Variants in TMEM131L observed in about 807,000 individuals in gnomAD.
TMEM131L encodes transmembrane protein 131-like.
Under a neutral mutation model 192.2 loss-of-function variants are expected in TMEM131L, and 54 were observed. That is an observed-to-expected ratio of 0.28 (90% CI 0.23 to 0.35). The LOEUF (loss-of-function observed/expected upper bound fraction) is 0.35. Ranked by LOEUF, TMEM131L falls within the 10% of genes least tolerant of loss-of-function variation. The pLI is 1.00. For synonymous variants in TMEM131L, 701 were observed against 704.9 expected, an observed-to-expected ratio of 0.99 and a Z score of 0.09; for missense variants, 1,888 against 1,972.9, an observed-to-expected ratio of 0.96 and a Z score of 0.82.
chr4:153,492,608 G>A (rs1732866538), intron 3 of TMEM131L, among the ~76,000 whole-genome samples: 1 of 152,166 alleles, frequency 6.6e-6, no homozygotes, highest in Non-Finnish European at 1.5e-5. Flanking sequence ...TGGCATGCCT[G>A]CTAGACAGCC....
At chr4:153,539,029 A>T (rs557639927) in intron 3 of TMEM131L, among the ~76,000 whole-genome samples, 1 of 152,308 alleles carries the variant, frequency 6.6e-6, no homozygotes, top group Non-Finnish European at 1.5e-5. Context: ...GTGAAAGAAG[A>T]CGAGAAGGGG....
chr4:153,555,896 C>T lies in TMEM131L; in HGVS notation c.418C>T (p.Pro140Ser). ...FAAAGHFHVP[P>S]VPCRVIPAMG... ...AGCTGCTGGACATTTCCATGTACCG[C>T]CAGTTCCCTGCAGGGTGGGTGTTGA... The change falls in exon 5 of 35, where the codon CCA becomes TCA. Residue 140 changes from proline (P) to serine (S), a missense_variant. Transcript: ENST00000409959. The surrounding 1 kb of genome is among the most constrained non-coding windows in gnomAD (Gnocchi z 4.1). 5.8e-6 allele frequency: 9 copies of T among 1,551,340 alleles called. No individual in the cohort carries two copies. Among genetic ancestry groups the T allele is most frequent in the Non-Finnish European group, 7.8e-6 (9 of 1,146,816 alleles).
chr4:153,474,371 G>C (rs1731376880), intron 3 of TMEM131L, among the ~76,000 whole-genome samples: 1 of 152,212 alleles, frequency 6.6e-6, no homozygotes. Context: ...CTGAAGCCTG[G>C]AGGAAACAGG....
At chr4:153,571,512 G>A (rs1488057239) in intron 7 of TMEM131L, among the ~76,000 whole-genome samples, 1 of 152,144 alleles carries the variant, frequency 6.6e-6, no homozygotes, top group Non-Finnish European at 1.5e-5. Flanking sequence ...GGATTTAAGT[G>A]TATTTCTTCA....
chr4:153,495,038 A>G (rs185388649), intron 3 of TMEM131L, among the ~76,000 whole-genome samples: 84 of 152,314 alleles, frequency 5.5e-4, no homozygotes, highest in African/African-American at 1.9e-3. Context: ...TTTTATGGCC[A>G]GGCATGGTGG....
intron 2 of TMEM131L, among the ~76,000 whole-genome samples, chr4:153,470,677 G>A (rs1731088275): frequency 6.6e-6 from 1 of 152,226 alleles, no homozygotes; most frequent in South Asian, 2.1e-4. Flanking sequence ...TTGGGTGTGT[G>A]CAGGATACGG....
intron 12 of TMEM131L, 31 bp from the exon 13 acceptor site, chr4:153,585,427 G>A (rs1206929977): frequency 1.9e-6 from 3 of 1,610,886 alleles, no homozygotes; most frequent in Non-Finnish European, 2.5e-6. Context: ...CCACACTCAG[G>A]CCTGATAGCA....
chr4:153,560,176 A>G (rs1241718938), intron 7 of TMEM131L, among the ~76,000 whole-genome samples: 2 of 152,200 alleles, frequency 1.3e-5, no homozygotes, highest in African/African-American at 2.4e-5. Flanking sequence ...ACATGCCCAC[A>G]TGATGTAATT....
chr4:153,625,902 T>C (rs1733810192), intron 29 of TMEM131L, among the ~76,000 whole-genome samples: 1 of 152,120 alleles, frequency 6.6e-6, no homozygotes, highest in African/African-American at 2.4e-5. Flanking sequence ...AGTGAGACTC[T>C]GTCTCAAAAA....
At chr4:153,506,285 G>A (rs575660661) in intron 3 of TMEM131L, among the ~76,000 whole-genome samples, 1 of 152,146 alleles carries the variant, frequency 6.6e-6, no homozygotes, top group Non-Finnish European at 1.5e-5. Flanking sequence ...AGATCGTATG[G>A]TTTACGGGGA....
chr4:153,466,427 C>G lies in TMEM131L; in HGVS notation c.30C>G (p.Gly10=). The G allele has an allele frequency of 1.4e-6, 2 of 1,390,970 alleles. No individual in the cohort carries two copies. Among genetic ancestry groups the G allele is most frequent in the Non-Finnish European group, 1.9e-6 (2 of 1,064,888 alleles). 86.2% of individuals were successfully genotyped at this position (1,390,970 alleles called of 1,614,324 possible). ...CGGGGCTCCGACGCCCGCAGCCCGG[C>G]TGCTACTGCCGCACCGCGGCGGCCG... MAGLRRPQP[G]CYCRTAAAVN... is the part of the protein sequence containing the mutation. The change falls in exon 1 of 35, where the codon GGC becomes GGG. Residue 10 remains glycine, a synonymous_variant. Coordinates refer to ENST00000409959, the MANE Select transcript of TMEM131L (RefSeq NM_001131007.2).
intron 4 of TMEM131L, among the ~76,000 whole-genome samples, chr4:153,550,726 G>A (rs1179758373): frequency 1.8e-5 from 2 of 108,790 alleles, no homozygotes; most frequent in Non-Finnish European, 3.2e-5. Context: ...ATTTTATAAT[G>A]AAAAACTAAA....
chr4:153,466,740 G>A (rs1053256614), intron 1 of TMEM131L, among the ~76,000 whole-genome samples: 3 of 152,176 alleles, frequency 2.0e-5, no homozygotes, highest in Non-Finnish European at 2.9e-5. Context: ...GGGCAGTCGC[G>A]GGGCTTGGGG....
In TMEM131L at chr4:153,556,947, C is replaced by A; in HGVS notation, c.433-19C>A. 2 of 1,242,276 alleles carry A rather than the reference C, an allele frequency of 1.6e-6. No individual in the cohort carries two copies. Among genetic ancestry groups the A allele is most frequent in the Non-Finnish European group, 2.4e-6 (2 of 850,592 alleles). 77.0% of individuals were successfully genotyped at this position (1,242,276 alleles called of 1,614,324 possible). ...AAAGGAGGCCATTCCAAGTGGCTGACTGGGGACCTTTCTTTCAGGTAATTC... is the reference window on the plus strand; with the variant it reads ...AAAGGAGGCCATTCCAAGTGGCTGAATGGGGACCTTTCTTTCAGGTAATTC... On this transcript the variant is annotated intron_variant, in intron 5 of 34. Transcript: ENST00000409959.
chr4:153,469,664 C>T (rs555585904), intron 2 of TMEM131L, among the ~76,000 whole-genome samples: 2 of 152,218 alleles, frequency 1.3e-5, no homozygotes, highest in African/African-American at 2.4e-5. Context: ...TGGTGGCTCA[C>T]GTCTGTAATC....
intron 31 of TMEM131L, among the ~76,000 whole-genome samples, chr4:153,629,345 CCT>C (rs936140719): frequency 6.6e-5 from 10 of 152,218 alleles, no homozygotes; most frequent in African/African-American, 2.4e-4. Context: ...CCATTCTCTG[CCT>C]CTCTCCTGTT....
At position 153,603,416 on chromosome 4, in the gene TMEM131L, A is replaced by G. The variant is rs752856866; in HGVS notation, c.2753A>G (p.Asn918Ser). The change falls in exon 24 of 35, where the codon AAT becomes AGT. Residue 918 changes from asparagine to serine, a missense_variant. Coordinates refer to ENST00000409959, the MANE Select transcript of TMEM131L (RefSeq NM_001131007.2). ...GCTAGCTCCTCTTCACAGCAAAACA[A>G]TGGTCCTATGGATGTAATCAGCCCC... is the stretch of plus-strand genomic sequence containing the variant. ...QNASSSSQQN[N>S]GPMDVISPHS... The G allele has an allele frequency of 1.9e-6, 3 of 1,614,054 alleles. No individual in the cohort carries two copies. The East Asian group carries it at 6.7e-5, about 36-fold the overall frequency.
Position 153,550,373 on chromosome 4 carries a change from C to T in TMEM131L, c.308+232C>T, listed in dbSNP as rs969818496. ...ACAGACTCCTGCTCTGTCCACCAGG[C>T]TGGAGTGCAGTGGCGTGATCTCTGC... On this transcript the variant is annotated intron_variant, in intron 4 of 34. Transcript: ENST00000409959. Among the ~76,000 whole-genome samples the T allele has an allele frequency of 3.3e-5, 5 of 152,282 alleles. No homozygotes were observed. In the East Asian group the frequency reaches 9.7e-4, roughly 29 times the overall value.
intron 16 of TMEM131L, among the ~76,000 whole-genome samples, chr4:153,589,447 G>A (rs1185201901): frequency 6.6e-6 from 1 of 152,152 alleles, no homozygotes; most frequent in Non-Finnish European, 1.5e-5. Flanking sequence ...AGGCAGGTAG[G>A]GGATCCATGT....
Sources: allele counts gnomAD v4.1 joint callset (sites outside exome capture counted in the v4.1 genomes callset), GRCh38; gene constraint gnomAD v4.1.1; non-coding constraint Gnocchi (gnomAD v3.1); transcripts MANE v1.5; gene names NCBI Gene and HGNC (gene_info 2026-07-23, HGNC 2026-07-21).